The following DACH1 variants were observed in gnomAD, a reference collection of about 807,000 sequenced individuals.
The protein encoded by DACH1 is dachshund family transcription factor 1.
In DACH1, 12 loss-of-function variants were observed where a neutral mutation model predicts 54.2. The ratio of observed to expected loss-of-function variants is 0.22; its 90% CI spans 0.14 to 0.36. DACH1 has a LOEUF of 0.36. DACH1 is among the 10% of genes least tolerant of loss of function. DACH1 has a pLI of 1.00. For synonymous variants in DACH1, 386 were observed against 366.2 expected (o/e 1.05, Z -0.62); for missense variants, 805 against 929.8 (o/e 0.87, Z 1.75).
intron 6 of DACH1, among the ~76,000 whole-genome samples, chr13:71,511,112 T>G (rs1880741439): frequency 6.6e-6 from 1 of 152,010 alleles, no homozygotes; most frequent in Admixed American, 6.6e-5. Flanking sequence ...ATGCTAACAG[T>G]AACAAGGACT....
intron 5 of DACH1, 121 bp downstream of exon 5, chr13:71,559,699 C>T (rs954290766): frequency 3.9e-6 from 5 of 1,282,446 alleles, no homozygotes; most frequent in South Asian, 1.3e-5. Context: ...ATGGCTATTG[C>T]TACAGAGTTT....
At chr13:71,765,265 C>G (rs181244700) in intron 1 of DACH1, among the ~76,000 whole-genome samples, 1 of 152,342 alleles carries the variant, frequency 6.6e-6, no homozygotes, top group Non-Finnish European at 1.5e-5. Flanking sequence ...CCTGTTCCAT[C>G]TATCCTTGCC....
At position 71,559,879 on chromosome 13, in the gene DACH1, T is replaced by C. The variant is rs369399865; in HGVS notation, c.1376A>G (p.His459Arg). ...GRRPGSHPSS[H>R]RSSSVSSSPA... ...GGAGCTGGACACGCTGCTGCTGCGA[T>C]GTGATGATGGGTGACTGCCAGGCCT... Residue 459 changes from histidine to arginine, a missense_variant, in exon 5 of 11, where the codon CAT becomes CGT. Around this residue, in one of 3 missense-constraint regions of DACH1, gnomAD observed 472 missense variants for 545.3 expected, o/e 0.87. Transcript: ENST00000613252. 5.0e-6 allele frequency: 8 copies of C among 1,612,876 alleles called. No homozygotes were observed. The South Asian group carries it at 8.8e-5, about 18-fold the overall frequency.
chr13:71,627,195 TA>T (rs1343918056), intron 3 of DACH1, among the ~76,000 whole-genome samples: 1 of 151,926 alleles, frequency 6.6e-6, no homozygotes, highest in Non-Finnish European at 1.5e-5. Flanking sequence ...AGGTTCCTAT[TA>T]TGAACCGGGA....
At chr13:71,586,101 A>G (rs1873239451) in intron 3 of DACH1, among the ~76,000 whole-genome samples, 2 of 152,122 alleles carry the variant, frequency 1.3e-5, no homozygotes, top group South Asian at 4.1e-4. Flanking sequence ...TTAATTAAGA[A>G]AAAACTATCT....
intron 10 of DACH1, among the ~76,000 whole-genome samples, chr13:71,445,768 G>T (rs1874398513): frequency 6.6e-6 from 1 of 152,298 alleles, no homozygotes; most frequent in African/African-American, 2.4e-5. Flanking sequence ...TAATGTTCCA[G>T]AGAAGTTATA....
chr13:71,798,345 T>C lies in DACH1; in HGVS notation c.848+67577A>G, dbSNP rs1225767424. ...ATACATATATATATATATATATATA[T>C]ATATATATATATATATATCCATTAC... On this transcript the variant is annotated intron_variant, in intron 1 of 10. Coordinates refer to ENST00000613252, the MANE Select transcript of DACH1 (RefSeq NM_080759.6). Among the ~76,000 whole-genome samples the C allele has an allele frequency of 1.0e-4, 14 of 138,838 alleles. No homozygotes were observed. In the East Asian group the frequency reaches 1.4e-3, roughly 14 times the overall value. 91.1% of individuals were successfully genotyped at this position (138,838 alleles called of 152,430 possible).
intron 3 of DACH1, among the ~76,000 whole-genome samples, chr13:71,585,130 G>A (rs1471160019): frequency 1.3e-5 from 2 of 152,022 alleles, no homozygotes. Context: ...TAAGTACTGG[G>A]GAGATAGCAA....
intron 6 of DACH1, among the ~76,000 whole-genome samples, chr13:71,497,865 CACACACA>C (rs1879570293): frequency 4.1e-4 from 1 of 2,434 alleles, no homozygotes; most frequent in African/African-American, 5.3e-4. Context: ...TGTTGACACA[CACACACA>C]CACACACACA....
chr13:71,675,565 AT>A (rs1220783957), intron 2 of DACH1: 38 of 760,836 alleles, frequency 5.0e-5, no homozygotes, highest in Non-Finnish European at 6.4e-5. Context: ...AACGTTAGAT[AT>A]TTTTTTTCCA....
chr13:71,442,161 A>G (rs1158895152), intron 10 of DACH1, among the ~76,000 whole-genome samples: 1 of 152,038 alleles, frequency 6.6e-6, no homozygotes, highest in Non-Finnish European at 1.5e-5. Context: ...GAACCCATTA[A>G]CTATCCCCAC....
intron 2 of DACH1, among the ~76,000 whole-genome samples, chr13:71,645,516 G>A (rs1878204809): frequency 1.3e-5 from 2 of 152,106 alleles, no homozygotes; most frequent in African/African-American, 4.8e-5. Context: ...AACAAAAGCA[G>A]GTATCTCAAG....
At chr13:71,782,390 G>T (rs1886422555) in intron 1 of DACH1, among the ~76,000 whole-genome samples, 1 of 151,978 alleles carries the variant, frequency 6.6e-6, no homozygotes, top group African/African-American at 2.4e-5. Flanking sequence ...TGAAGTCAGT[G>T]CAGACCATGC....
chr13:71,502,567 A>C (rs1027990217), intron 6 of DACH1, among the ~76,000 whole-genome samples: 1 of 152,192 alleles, frequency 6.6e-6, no homozygotes, highest in African/African-American at 2.4e-5. Context: ...CTACTTAAGG[A>C]TTTTTAAAGC....
chr13:71,688,942 G>C (rs1881326277), intron 1 of DACH1, among the ~76,000 whole-genome samples: 1 of 152,094 alleles, frequency 6.6e-6, no homozygotes, highest in South Asian at 2.1e-4. Flanking sequence ...TTGTTTACTG[G>C]GGCAAGTTAT....
chr13:71,858,335 A>G (rs975241128), intron 1 of DACH1, among the ~76,000 whole-genome samples: 87 of 151,732 alleles, frequency 5.7e-4, no homozygotes, highest in African/African-American at 2.1e-3. Flanking sequence ...TGACTTTTTA[A>G]TACTTCATGT....
intron 4 of DACH1, among the ~76,000 whole-genome samples, chr13:71,572,254 TACAC>T (rs965203876): frequency 2.6e-5 from 4 of 152,100 alleles, no homozygotes; most frequent in Non-Finnish European, 5.9e-5. Context: ...TGCACAAACA[TACAC>T]ACACAGATAC....
chr13:71,693,296 CTTTTT>C (rs869289138), intron 1 of DACH1, among the ~76,000 whole-genome samples: 3 of 90,960 alleles, frequency 3.3e-5, no homozygotes, highest in Admixed American at 1.3e-4. Context: ...ATTTGTTTTG[CTTTTT>C]TTTTTTTTTT....
intron 7 of DACH1, among the ~76,000 whole-genome samples, chr13:71,482,873 T>C (rs1011229544): frequency 2.9e-4 from 43 of 146,008 alleles, no homozygotes; most frequent in African/African-American, 1.1e-3. Flanking sequence ...CGATCTCGGC[T>C]CACTGCAACC....
Sources: gnomAD v4.1 joint callset for allele counts (sites outside exome capture counted in the v4.1 genomes callset) on GRCh38, gnomAD v4.1.1 for gene constraint, gnomAD v4.1.1 regional missense constraint, MANE v1.5 for transcripts, NCBI Gene and HGNC (gene_info 2026-07-23, HGNC 2026-07-21) for gene names.